Variants in RBFOX1 observed in about 807,000 individuals in gnomAD.
RBFOX1 encodes the protein RNA binding fox-1 homolog 1.
In RBFOX1, 8 loss-of-function variants were observed where a neutral mutation model predicts 57.7. That is an observed-to-expected ratio of 0.14 (90% CI 0.08 to 0.25). RBFOX1 has a LOEUF of 0.25. Ranked by LOEUF, RBFOX1 falls within the 10% of genes least tolerant of loss-of-function variation. The probability of loss-of-function intolerance (pLI) is 1.00; values close to 1 mark genes in which losing one functional copy is unlikely to be tolerated. For synonymous variants in RBFOX1, 326 were observed against 222.4 expected, an observed-to-expected ratio of 1.47 and a Z score of -4.15; for missense variants, 611 against 548.5, an observed-to-expected ratio of 1.11 and a Z score of -1.14.
intron 4 of RBFOX1, among the ~76,000 whole-genome samples, chr16:7,353,405 A>G (rs879607914): frequency 6.6e-6 from 1 of 152,112 alleles, no homozygotes; most frequent in Admixed American, 6.5e-5. Flanking sequence ...ATAGTTGAGT[A>G]TTTTTCTTAA....
intron 2 of RBFOX1, among the ~76,000 whole-genome samples, chr16:6,603,863 C>G (rs946892427): frequency 6.6e-6 from 1 of 152,136 alleles, no homozygotes; most frequent in African/African-American, 2.4e-5. Context: ...CCATTTGCCT[C>G]GAGTTGCTTC....
Position 6,850,332 on chromosome 16 carries a change from C to A in RBFOX1, c.-16+195682C>A, listed in dbSNP as rs182394838. On this transcript the variant is annotated intron_variant, in intron 3 of 15. Coordinates refer to ENST00000550418, the MANE Select transcript of RBFOX1 (RefSeq NM_018723.4). ...CGATGAAAGAATAAACTACGTTGTTCTACAAAATAAAATTAAGGTGAGTGT... is the reference window on the plus strand; with the variant it reads ...CGATGAAAGAATAAACTACGTTGTTATACAAAATAAAATTAAGGTGAGTGT... Among the ~76,000 whole-genome samples, 31 of 152,224 alleles carry A rather than the reference C, an allele frequency of 2.0e-4. 1 individual carries two copies. The East Asian group carries it at 5.4e-3, about 27-fold the overall frequency.
chr16:6,010,867 C>A (rs1456584179), intron 4 of RBFOX1, among the ~76,000 whole-genome samples: 2 of 151,972 alleles, frequency 1.3e-5, no homozygotes, highest in African/African-American at 4.8e-5. Flanking sequence ...TTTAGTGGTT[C>A]ATGTGTCTTA....
At chr16:6,962,377 A>C (rs991583844) in intron 3 of RBFOX1, among the ~76,000 whole-genome samples, 1 of 152,176 alleles carries the variant, frequency 6.6e-6, no homozygotes, top group Non-Finnish European at 1.5e-5. Context: ...AAGGGTTAGG[A>C]CTTCGACTTA....
chr16:7,087,803 AC>A (rs1428835903), intron 4 of RBFOX1, among the ~76,000 whole-genome samples: 1 of 152,088 alleles, frequency 6.6e-6, no homozygotes, highest in Non-Finnish European at 1.5e-5. Flanking sequence ...AAGTAAGGAG[AC>A]TTCTGTTTGC....
intron 3 of RBFOX1, among the ~76,000 whole-genome samples, chr16:5,709,184 T>A (rs1387761031): frequency 6.6e-6 from 1 of 152,136 alleles, no homozygotes; most frequent in East Asian, 1.9e-4. Flanking sequence ...TGGGCTCCAG[T>A]GAGAGATAGA....
chr16:5,331,201 T>A (rs982631653), intron 1 of RBFOX1, among the ~76,000 whole-genome samples: 1 of 152,194 alleles, frequency 6.6e-6, no homozygotes, highest in African/African-American at 2.4e-5. Context: ...GGTTATTTAA[T>A]CTGTTTGGCT....
intron 3 of RBFOX1, among the ~76,000 whole-genome samples, chr16:6,660,299 A>G (rs979343270): frequency 2.0e-5 from 3 of 152,112 alleles, no homozygotes; most frequent in Non-Finnish European, 2.9e-5. Flanking sequence ...GCTGGGCTTA[A>G]TACCTTGGTG....
intron 4 of RBFOX1, among the ~76,000 whole-genome samples, chr16:7,075,378 T>C (rs928876014): frequency 6.6e-6 from 1 of 152,220 alleles, no homozygotes. Flanking sequence ...AACTTTCAGT[T>C]GCTGTGTTGC....
At chr16:5,914,341 G>C (rs916379221) in intron 4 of RBFOX1, among the ~76,000 whole-genome samples, 2 of 152,196 alleles carry the variant, frequency 1.3e-5, no homozygotes, top group African/African-American at 4.8e-5. Context: ...GCTTGGCTGG[G>C]TTCCCCTGGT....
chr16:5,999,902 AAAAAAGAGTG>A lies in RBFOX1; in HGVS notation c.351+132570_351+132579del, dbSNP rs1272594050. Among the ~76,000 whole-genome samples, 99 of 37,398 alleles carry A rather than the reference AAAAAAGAGTG, an allele frequency of 2.6e-3. 18 individuals carry two copies. Among genetic ancestry groups the A allele is most frequent in the East Asian group, 5.7e-3 (12 of 2,102 alleles). 24.5% of individuals were successfully genotyped at this position (37,398 alleles called of 152,430 possible). On this transcript the variant is annotated intron_variant, in intron 4 of 19. Transcript: ENST00000641259. ...AAAAAAAAAAAAAAAAAAAAAAAAA[AAAAAAGAGTG>A]AAGAAGGGAAATCAGACAAGGAAAG...
chr16:6,820,789 G>A (rs1603628811), intron 3 of RBFOX1, among the ~76,000 whole-genome samples: 1 of 152,122 alleles, frequency 6.6e-6, no homozygotes, highest in Non-Finnish European at 1.5e-5. Context: ...ACTGCAAAAG[G>A]CCTGTGAATG....
intron 2 of RBFOX1, among the ~76,000 whole-genome samples, chr16:6,574,988 A>T (rs2097407094): frequency 6.6e-6 from 1 of 150,658 alleles, no homozygotes; most frequent in Admixed American, 6.6e-5. Context: ...CAGTGAGCCG[A>T]GATGGCACCA....
At chr16:7,323,962 G>T (rs1258021603) in intron 4 of RBFOX1, among the ~76,000 whole-genome samples, 1 of 152,180 alleles carries the variant, frequency 6.6e-6, no homozygotes, top group Non-Finnish European at 1.5e-5. Context: ...TGGATGGTGT[G>T]TTGGTCATCA....
chr16:6,752,864 CT>C (rs2075180593), intron 3 of RBFOX1, among the ~76,000 whole-genome samples: 3 of 150,958 alleles, frequency 2.0e-5, no homozygotes, highest in Non-Finnish European at 4.4e-5. Flanking sequence ...AGCCTCTCTG[CT>C]CACATATTGC....
At chr16:7,511,028 G>C (rs566208819) in intron 4 of RBFOX1, among the ~76,000 whole-genome samples, 25 of 152,312 alleles carry the variant, frequency 1.6e-4, no homozygotes, top group Non-Finnish European at 3.1e-4. Flanking sequence ...TGACTATAAA[G>C]GTGGGGAAAT....
At chr16:6,930,483 C>A (rs549527251) in intron 3 of RBFOX1, among the ~76,000 whole-genome samples, 90 of 151,178 alleles carry the variant, frequency 6.0e-4, no homozygotes, top group African/African-American at 1.2e-3. Flanking sequence ...GATCTCGGCT[C>A]ACTACAACCT....
rs576317893 is a variant in RBFOX1, at chr16:7,185,237, G to T, written c.27+133139G>T. Among the ~76,000 whole-genome samples the T allele has an allele frequency of 4.6e-5, 7 of 152,194 alleles. No homozygotes were observed. The East Asian group carries it at 1.4e-3, about 29-fold the overall frequency. The stretch of plus-strand genomic sequence containing the variant: ...CAGATTTCAGTCACTTATGACCACA[G>T]AATTAATTCTAAAGAAAGCAAATTG... On this transcript the variant is annotated intron_variant, in intron 4 of 15. Transcript: ENST00000550418.
At chr16:7,579,641 C>G in intron 5 of RBFOX1, 136 bp from the exon 6 acceptor site, 1 of 1,018,246 alleles carries the variant, frequency 9.8e-7, no homozygotes, top group South Asian at 1.6e-5. Flanking sequence ...TGCATGCATG[C>G]ATGCGTCAGC....
Sources: allele counts gnomAD v4.1 joint callset (sites outside exome capture counted in the v4.1 genomes callset), GRCh38; gene constraint gnomAD v4.1.1; transcripts MANE v1.5; gene names NCBI Gene and HGNC (gene_info 2026-07-23, HGNC 2026-07-21).